NCOA6: variants seen among roughly 807,000 people sequenced by gnomAD.
NCOA6 encodes the protein NRC RAP250.
In NCOA6, 49 loss-of-function variants were observed where a neutral mutation model predicts 171.4. That is an observed-to-expected ratio of 0.29 (90% CI 0.23 to 0.36). NCOA6 has a LOEUF of 0.36. Ranked by LOEUF, NCOA6 falls within the 10% of genes least tolerant of loss-of-function variation. NCOA6 has a pLI of 1.00. For missense variants in NCOA6, 2,248 were observed against 2,554.5 expected (o/e 0.88, Z 2.59); for synonymous variants, 910 against 927.5 (o/e 0.98, Z 0.34).
intron 10 of NCOA6, among the ~76,000 whole-genome samples, chr20:34,745,658 A>T (rs775770632): frequency 1.8e-4 from 27 of 152,226 alleles, no homozygotes; most frequent in Non-Finnish European, 3.2e-4. Flanking sequence ...GCCAAAAAGA[A>T]GTTGAAATAA....
chr20:34,807,031 G>T (rs2078474660), intron 1 of NCOA6, among the ~76,000 whole-genome samples: 1 of 152,130 alleles, frequency 6.6e-6, no homozygotes. Flanking sequence ...GTATGGACTG[G>T]CCTGGTGATT....
Position 34,742,884 on chromosome 20 carries a change from C to T in NCOA6, c.3372G>A (p.Ser1124=), listed in dbSNP as rs199598622. 296 of 1,614,194 alleles carry T rather than the reference C, an allele frequency of 1.8e-4. No individual in the cohort carries two copies. The highest frequency in any genetic ancestry group is 1.2e-3 in the Middle Eastern group (7 of 6,062). ...YQESPQNPSS[S]PLAEMASLPE... ...GGAGTGAGGCCATCTCCGCCAGTGG[C>T]GAGCTGGAAGGATTCTGCGGGCTCT... is the stretch of plus-strand genomic sequence containing the variant. The change falls in exon 11 of 15, where the codon TCG becomes TCA. Residue 1124 remains serine, a synonymous_variant. Coordinates refer to ENST00000359003, the MANE Select transcript of NCOA6 (RefSeq NM_014071.5).
intron 5 of NCOA6, among the ~76,000 whole-genome samples, chr20:34,765,201 C>CCA (rs1392833985): frequency 1.3e-5 from 2 of 151,652 alleles, no homozygotes; most frequent in African/African-American, 4.8e-5. Flanking sequence ...ACCTGTAATC[C>CCA]CAGCACTTTG....
chr20:34,764,255 T>C (rs553321789), intron 5 of NCOA6, among the ~76,000 whole-genome samples: 1 of 151,926 alleles, frequency 6.6e-6, no homozygotes, highest in Admixed American at 6.6e-5. Flanking sequence ...ACCCGGCTAA[T>C]TTTTTGTATT....
intron 1 of NCOA6, among the ~76,000 whole-genome samples, chr20:34,806,676 T>C (rs191365732): frequency 6.6e-6 from 1 of 152,338 alleles, no homozygotes; most frequent in Admixed American, 6.5e-5. Context: ...TTTATCAATG[T>C]ATGTTTTGGG....
intron 8 of NCOA6, among the ~76,000 whole-genome samples, chr20:34,750,875 C>T (rs1391065744): frequency 1.3e-5 from 2 of 152,200 alleles, no homozygotes; most frequent in South Asian, 2.1e-4. Context: ...TGGCCAGGCT[C>T]GGGTGGTTCA....
At chr20:34,776,900 C>G (rs1291104424) in intron 3 of NCOA6, 11 of 393,380 alleles carry the variant, frequency 2.8e-5, no homozygotes, top group Non-Finnish European at 5.4e-5. Context: ...AGGTGGATCA[C>G]GAGGTCAGGA....
Position 34,741,092 on chromosome 20 carries a change from G to A in NCOA6, c.5164C>T (p.Pro1722Ser), listed in dbSNP as rs1258384426. 1.9e-6 allele frequency: 3 copies of A among 1,614,236 alleles called. No individual in the cohort carries two copies. Among genetic ancestry groups the A allele is most frequent in the Non-Finnish European group, 2.5e-6 (3 of 1,180,044 alleles). The stretch of plus-strand genomic sequence containing the variant: ...CGACCTGTCTGGATGTTTGGAGCAG[G>A]ACTACTGGAGAGGGCATTAGGCGGT... ...PVPPNALSSSPAPNIQTGRPL... is the reference protein window; with the variant it reads ...PVPPNALSSSSAPNIQTGRPL... Residue 1722 changes from proline to serine, a missense_variant, in exon 11 of 15, where the codon CCT becomes TCT. Transcript: ENST00000359003.
intron 12 of NCOA6, among the ~76,000 whole-genome samples, chr20:34,733,834 G>C: frequency 1.0e-5 from 1 of 99,702 alleles, no homozygotes; most frequent in African/African-American, 4.1e-5. Context: ...CCTGGTGACA[G>C]AGCAAGACTC....
Position 34,750,222 on chromosome 20 carries a change from T to C in NCOA6, c.1973A>G (p.Gln658Arg), listed in dbSNP as rs755319918. ...MILSRAQLMP[Q>R]GQMMVNPPSQ... ...CGGGGGGTTCACCATCATCTGGCCCTGTGGCATAAGCTGGGCCCTTGAAAG... is the reference window on the plus strand; with the variant it reads ...CGGGGGGTTCACCATCATCTGGCCCCGTGGCATAAGCTGGGCCCTTGAAAG... Residue 658 changes from glutamine to arginine, a missense_variant, in exon 9 of 15, where the codon CAG becomes CGG. Gln to Arg is a conservative substitution (Grantham distance 43, BLOSUM62 1). Around this residue, in one of 7 missense-constraint regions of NCOA6, gnomAD observed 987 missense variants for 1,104.7 expected, o/e 0.89. Transcript: ENST00000359003. The C allele has an allele frequency of 1.2e-6, 2 of 1,610,854 alleles. No individual in the cohort carries two copies. The highest frequency in any genetic ancestry group is 1.7e-6 in the Non-Finnish European group (2 of 1,178,244).
intron 1 of NCOA6, among the ~76,000 whole-genome samples, chr20:34,817,150 AGC>A (rs1568901964): frequency 0.047 from 5,780 of 124,098 alleles, 1,218 homozygotes; most frequent in Non-Finnish European, 0.064. Context: ...CAAAAGCAAA[AGC>A]AAAAGAAAAT....
In NCOA6 at chr20:34,740,255, T is replaced by C. The variant is rs575902152; in HGVS notation, c.5893+108A>G. On this transcript the variant is annotated intron_variant, in intron 11 of 14. Coordinates refer to ENST00000359003, the MANE Select transcript of NCOA6 (RefSeq NM_014071.5). Reference sequence around the variant, plus strand: ...ATAAATAAAACTACTGCTATTGCCATTTAGCCCATTCTCTTTCCTCCAAGT... The same window carrying C: ...ATAAATAAAACTACTGCTATTGCCACTTAGCCCATTCTCTTTCCTCCAAGT... The C allele has an allele frequency of 4.1e-5, 57 of 1,376,374 alleles. 1 individual carries two copies. In the South Asian group the frequency reaches 6.6e-4, roughly 16 times the overall value. 85.3% of individuals were successfully genotyped at this position (1,376,374 alleles called of 1,614,324 possible). A position where few individuals can be genotyped will look rare whatever the true frequency, so the allele number is the denominator to read the frequency against.
At chr20:34,774,126 A>G (rs2077237395) in intron 4 of NCOA6, among the ~76,000 whole-genome samples, 1 of 152,242 alleles carries the variant, frequency 6.6e-6, no homozygotes, top group African/African-American at 2.4e-5. Flanking sequence ...GGTCTGCTTA[A>G]GAAATAAAAC....
chr20:34,784,587 C>A (rs1193670620), intron 2 of NCOA6, among the ~76,000 whole-genome samples: 1 of 151,956 alleles, frequency 6.6e-6, no homozygotes, highest in Non-Finnish European at 1.5e-5. Context: ...TTAAGACCAG[C>A]CTGGGCAACA....
At chr20:34,789,128 C>T (rs1166924268) in intron 2 of NCOA6, among the ~76,000 whole-genome samples, 3 of 152,136 alleles carry the variant, frequency 2.0e-5, no homozygotes, top group African/African-American at 7.2e-5. Context: ...CATCTAAGTG[C>T]TGTATGAAGC....
intron 9 of NCOA6, 48 bp downstream of exon 9, chr20:34,749,355 C>T (rs757766984): frequency 1.2e-5 from 19 of 1,538,068 alleles, no homozygotes; most frequent in Non-Finnish European, 1.7e-5. Flanking sequence ...AAGTTATCCA[C>T]ACAGAAAACA....
intron 1 of NCOA6, among the ~76,000 whole-genome samples, chr20:34,823,627 C>A (rs1338496890): frequency 6.6e-6 from 1 of 152,054 alleles, no homozygotes; most frequent in African/African-American, 2.4e-5. Context: ...TGGGTGTCTA[C>A]AATTTTTCAC....
intron 14 of NCOA6, among the ~76,000 whole-genome samples, chr20:34,726,046 G>C (rs1989920639): frequency 6.6e-6 from 1 of 152,208 alleles, no homozygotes; most frequent in South Asian, 2.1e-4. Context: ...TCTAATGGCT[G>C]GGAAGGGAGA....
chr20:34,819,853 T>C (rs2078952941), intron 1 of NCOA6: 1 of 152,138 alleles, frequency 6.6e-6, no homozygotes, highest in Non-Finnish European at 1.5e-5. Flanking sequence ...TGAGGCGCAA[T>C]GAGGTTTTAT....
Sources: allele counts gnomAD v4.1 joint callset (sites outside exome capture counted in the v4.1 genomes callset), GRCh38; gene constraint gnomAD v4.1.1; regional missense constraint gnomAD v4.1.1; transcripts MANE v1.5; gene names NCBI Gene and HGNC (gene_info 2026-07-23, HGNC 2026-07-21).